FAM228B: variants seen among roughly 807,000 people sequenced by gnomAD.
FAM228B encodes the protein protein FAM228B.
In FAM228B, 38 loss-of-function variants were observed where a neutral mutation model predicts 42.6. The observed-to-expected ratio is 0.89, with a 90% CI of 0.69 to 1.17. The LOEUF (loss-of-function observed/expected upper bound fraction) is 1.17, where lower values mean the gene tolerates loss of function less well. Among genes scored for constraint, FAM228B ranks in the 50% most tolerant of loss-of-function variants. The pLI is 0.00. For synonymous variants in FAM228B, 109 were observed against 122.3 expected, an observed-to-expected ratio of 0.89 and a Z score of 0.72; for missense variants, 344 against 367.3, an observed-to-expected ratio of 0.94 and a Z score of 0.52.
chr2:24,123,525 C>CGGGAGACGGT lies in FAM228B; in HGVS notation c.-37_-33+5dup, dbSNP rs1288693439. 6.6e-6 allele frequency: 1 copy of CGGGAGACGGT among 152,150 alleles called. No homozygotes were observed. The highest frequency in any genetic ancestry group is 2.4e-5 in the African/African-American group (1 of 41,448). 9.4% of individuals were successfully genotyped at this position (152,150 alleles called of 1,614,324 possible). ...CGGAGTGCTCGCGCGGCGCTGCGTC[C>CGGGAGACGGT]GGGAGACGGTGGGCGCCAACATTCG... On this transcript the variant is annotated 5_prime_UTR_variant, in exon 1 of 11. Coordinates refer to ENST00000615575, the MANE Select transcript of FAM228B (RefSeq NM_001145710.2).
intron 3 of FAM228B, among the ~76,000 whole-genome samples, chr2:24,108,087 G>A (rs1329386937): frequency 6.6e-6 from 1 of 152,160 alleles, no homozygotes; most frequent in East Asian, 1.9e-4. Flanking sequence ...AAATTACAAA[G>A]AGGAGGTTAC....
chr2:24,143,150 C>T (rs1666795939), intron 5 of FAM228B, among the ~76,000 whole-genome samples: 1 of 151,804 alleles, frequency 6.6e-6, no homozygotes, highest in African/African-American at 2.4e-5. Context: ...TAAAATACTC[C>T]TACCTTTTTC....
intron 2 of FAM228B, among the ~76,000 whole-genome samples, chr2:24,094,512 T>C (rs1035039573): frequency 6.6e-6 from 1 of 151,882 alleles, no homozygotes; most frequent in Non-Finnish European, 1.5e-5. Flanking sequence ...AGAGACAGAG[T>C]CTTGTTCTGT....
chr2:24,164,146 C>T, intron 8 of FAM228B, 52 bp from the exon 9 acceptor site: 1 of 1,453,790 alleles, frequency 6.9e-7, no homozygotes, highest in Non-Finnish European at 9.2e-7. Context: ...TTAAGTGCTA[C>T]AGTTGAGTTG....
chr2:24,160,850 T>C, intron 7 of FAM228B, among the ~76,000 whole-genome samples: 1 of 152,222 alleles, frequency 6.6e-6, no homozygotes, highest in South Asian at 2.1e-4. Flanking sequence ...AGTGGAATGT[T>C]TGGATTCTCT....
chr2:24,131,686 G>A (rs1173441804), intron 2 of FAM228B, among the ~76,000 whole-genome samples: 5 of 151,972 alleles, frequency 3.3e-5, no homozygotes, highest in South Asian at 2.1e-4. Flanking sequence ...TTTTGTATTC[G>A]GAGGCTTTGC....
At position 24,148,518 on chromosome 2, in the gene FAM228B, C is replaced by T. The variant is rs145855160; in HGVS notation, c.686+1432C>T. Reference sequence around the variant, plus strand: ...TGGCAGTGTCCTGTCTGTCTTCCAACGACAGCAAGATTTCTGCTTAGTATA... The same window carrying T: ...TGGCAGTGTCCTGTCTGTCTTCCAATGACAGCAAGATTTCTGCTTAGTATA... On this transcript the variant is annotated intron_variant, in intron 7 of 10. Transcript: ENST00000615575. Among the ~76,000 whole-genome samples the T allele has an allele frequency of 9.5e-4, 145 of 152,122 alleles. 1 individual carries two copies. The highest frequency in any genetic ancestry group is 1.6e-3 in the Non-Finnish European group (108 of 67,998).
intron 3 of FAM228B, among the ~76,000 whole-genome samples, chr2:24,136,966 T>G (rs1666606286): frequency 1.3e-5 from 2 of 152,174 alleles, no homozygotes; most frequent in South Asian, 4.1e-4. Context: ...TAATCTACCT[T>G]CTGGCTCTAT....
chr2:24,140,857 G>A lies in FAM228B; in HGVS notation c.441+1407G>A, dbSNP rs547373942. 2.3e-4 allele frequency among the ~76,000 whole-genome samples: 35 copies of A among 151,788 alleles called. No homozygotes were observed. In the South Asian group the frequency reaches 2.5e-3, roughly 11 times the overall value. ...TGCACCTGTAGTCCTAGCTACTCAGGAGGCTGAGGCAGGAGAATCACGTGA... is the reference window on the plus strand; with the variant it reads ...TGCACCTGTAGTCCTAGCTACTCAGAAGGCTGAGGCAGGAGAATCACGTGA... On this transcript the variant is annotated intron_variant, in intron 5 of 10. Coordinates refer to ENST00000615575, the MANE Select transcript of FAM228B (RefSeq NM_001145710.2).
chr2:24,101,431 A>G (rs1248667084), intron 3 of FAM228B, among the ~76,000 whole-genome samples: 2 of 152,114 alleles, frequency 1.3e-5, no homozygotes, highest in Admixed American at 6.5e-5. Flanking sequence ...TTCTGTGACC[A>G]CAGGGCTACT....
chr2:24,132,906 A>G (rs1198649995), intron 2 of FAM228B, among the ~76,000 whole-genome samples: 1 of 152,186 alleles, frequency 6.6e-6, no homozygotes, highest in Admixed American at 6.6e-5. Context: ...AAGCTGGGCT[A>G]CATGGAGTCT....
At chr2:24,119,691 A>G (rs767655779), upstream of FAM228B, 11 of 1,586,140 alleles carry the variant, frequency 6.9e-6, no homozygotes, top group Non-Finnish European at 8.6e-7. Context: ...TCCTGTATAA[A>G]GAATATAAGA....
intron 3 of FAM228B, among the ~76,000 whole-genome samples, chr2:24,110,388 C>T (rs1248215627): frequency 6.6e-6 from 1 of 152,142 alleles, no homozygotes; most frequent in Non-Finnish European, 1.5e-5. Flanking sequence ...GGCTGGTCAC[C>T]AGAAGAACCA....
At position 24,083,810 on chromosome 2, in the gene FAM228B, C is replaced by T. The variant is rs557394148; in HGVS notation, c.-210+2855C>T. 9.2e-5 allele frequency among the ~76,000 whole-genome samples: 14 copies of T among 152,286 alleles called. No individual in the cohort carries two copies. The East Asian group carries it at 2.5e-3, about 27-fold the overall frequency. On this transcript the variant is annotated intron_variant, in intron 2 of 10. Transcript: ENST00000613899. ...GACCTCAGCTTGAATCCCAGCTCTT[C>T]TGATTGCTAGTGTCACGGCCTTGGG...
chr2:24,125,334 G>A (rs1359131008), intron 2 of FAM228B, among the ~76,000 whole-genome samples: 1 of 152,188 alleles, frequency 6.6e-6, no homozygotes, highest in Admixed American at 6.5e-5. Flanking sequence ...AGTGAGCTGT[G>A]ATTGTGCCAC....
chr2:24,092,577 A>T (rs923200017), intron 2 of FAM228B, among the ~76,000 whole-genome samples: 5 of 151,996 alleles, frequency 3.3e-5, no homozygotes, highest in Non-Finnish European at 1.5e-5. Flanking sequence ...CTGTCTCCAT[A>T]AAAAAAAGAA....
chr2:24,120,417 C>T (rs1442657673), upstream of FAM228B, among the ~76,000 whole-genome samples: 1 of 152,178 alleles, frequency 6.6e-6, no homozygotes, highest in Admixed American at 6.5e-5. Flanking sequence ...CCTTGTTAAG[C>T]CTCAGTGTCC....
chr2:24,168,210 C>G (rs1468823449), intron 10 of FAM228B, among the ~76,000 whole-genome samples: 1 of 152,102 alleles, frequency 6.6e-6, no homozygotes, highest in Non-Finnish European at 1.5e-5. Context: ...GAGAGTCATC[C>G]TCATATAGAT....
intron 3 of FAM228B, among the ~76,000 whole-genome samples, chr2:24,102,950 T>C (rs909445599): frequency 2.0e-5 from 3 of 152,164 alleles, no homozygotes; most frequent in Non-Finnish European, 4.4e-5. Context: ...GTAACAATCA[T>C]TTTGCTTCTG....
Sources: allele counts gnomAD v4.1 joint callset (sites outside exome capture counted in the v4.1 genomes callset), GRCh38; gene constraint gnomAD v4.1.1; transcripts MANE v1.5; gene names NCBI Gene and HGNC (gene_info 2026-07-23, HGNC 2026-07-21).